NALF1: variants seen among roughly 807,000 people sequenced by gnomAD.
NALF1 encodes the protein NALCN channel auxiliary factor 1.
A neutral mutation model predicts 48.4 loss-of-function variants in NALF1; 3 were observed. The observed-to-expected ratio is 0.06, with a 90% CI of 0.03 to 0.16. The LOEUF is 0.16. Among genes scored for constraint, NALF1 ranks in the 10% least tolerant of loss-of-function variants. The pLI is 1.00. For synonymous variants in NALF1, 262 were observed against 245.7 expected (o/e 1.07, Z -0.62); for missense variants, 526 against 571.5 (o/e 0.92, Z 0.81).
intron 1 of NALF1, among the ~76,000 whole-genome samples, chr13:107,257,254 AGAGC>A (rs1880835305): frequency 1.3e-5 from 2 of 152,200 alleles, no homozygotes; most frequent in African/African-American, 4.8e-5. Flanking sequence ...GTGGGGACAC[AGAGC>A]CGAACCATGT....
intron 1 of NALF1, among the ~76,000 whole-genome samples, chr13:107,831,736 T>C (rs576771342): frequency 6.6e-6 from 1 of 152,276 alleles, no homozygotes; most frequent in South Asian, 2.1e-4. Context: ...TGTAACAAGA[T>C]GTTTGCGCGT....
chr13:107,701,569 G>A (rs1881820614), intron 1 of NALF1, among the ~76,000 whole-genome samples: 2 of 151,998 alleles, frequency 1.3e-5, no homozygotes, highest in African/African-American at 4.8e-5. Context: ...TATGTACTGG[G>A]GTGGGGTCAC....
chr13:107,436,319 T>A (rs1402619653), intron 1 of NALF1, among the ~76,000 whole-genome samples: 1 of 152,190 alleles, frequency 6.6e-6, no homozygotes, highest in Non-Finnish European at 1.5e-5. Flanking sequence ...TAGATTTTTT[T>A]AAAGGTAGAA....
rs1378774308 is a variant in NALF1 at position 107,238,559 on chromosome 13, A to T, written c.916-27804T>A. ...CGAAGGTAAAAATCTGTGGGAGCACATGCGGCCAGGACAGGGCAAGTTCAA... is the reference window on the plus strand; with the variant it reads ...CGAAGGTAAAAATCTGTGGGAGCACTTGCGGCCAGGACAGGGCAAGTTCAA... On this transcript the variant is annotated intron_variant, in intron 1 of 2. Transcript: ENST00000375915. Among the ~76,000 whole-genome samples the T allele has an allele frequency of 2.0e-5, 3 of 152,198 alleles. No individual in the cohort carries two copies. The East Asian group carries it at 5.8e-4, about 29-fold the overall frequency.
intron 1 of NALF1, among the ~76,000 whole-genome samples, chr13:107,419,575 G>C (rs1884149747): frequency 6.6e-6 from 1 of 152,208 alleles, no homozygotes. Context: ...ACAGGTGGAA[G>C]TCCCCATTGG....
chr13:107,480,349 T>C (rs567562353), intron 1 of NALF1, among the ~76,000 whole-genome samples: 1 of 152,320 alleles, frequency 6.6e-6, no homozygotes, highest in African/African-American at 2.4e-5. Flanking sequence ...CTCATTAGCT[T>C]ACTCACTAAC....
At chr13:107,186,515 G>C (rs987690648) in intron 2 of NALF1, among the ~76,000 whole-genome samples, 1 of 152,146 alleles carries the variant, frequency 6.6e-6, no homozygotes, top group African/African-American at 2.4e-5. Flanking sequence ...CTACAGGTGC[G>C]TGCCACCACG....
intron 1 of NALF1, among the ~76,000 whole-genome samples, chr13:107,438,774 G>A (rs980675292): frequency 1.6e-5 from 2 of 128,516 alleles, no homozygotes; most frequent in African/African-American, 5.9e-5. Context: ...GCAGCAGTGA[G>A]CTGAGATCAT....
At chr13:107,669,205 G>C (rs1283096670) in intron 1 of NALF1, among the ~76,000 whole-genome samples, 2 of 152,070 alleles carry the variant, frequency 1.3e-5, no homozygotes, top group Admixed American at 6.6e-5. Context: ...GTTTTCAGGA[G>C]AGACTCAATA....
rs34987619 is a variant in NALF1 at position 107,328,273 on chromosome 13, TACACACACACACACACACAC to T, written c.916-117538_916-117519del. On this transcript the variant is annotated intron_variant, in intron 1 of 2. Transcript: ENST00000375915. ...TCTTCCAACTTTTCATCTCCTGCAA[TACACACACACACACACACAC>T]ACACACACACACACACACACACTTT... Among the ~76,000 whole-genome samples, 4 of 144,112 alleles carry T rather than the reference TACACACACACACACACACAC, an allele frequency of 2.8e-5. No homozygotes were observed. The East Asian group carries it at 8.5e-4, about 30-fold the overall frequency. 94.5% of individuals were successfully genotyped at this position (144,112 alleles called of 152,430 possible). A position where few individuals can be genotyped will look rare whatever the true frequency, so the allele number is the denominator to read the frequency against.
At chr13:107,847,894 C>G (rs1171399615) in intron 1 of NALF1, among the ~76,000 whole-genome samples, 1 of 152,106 alleles carries the variant, frequency 6.6e-6, no homozygotes, top group African/African-American at 2.4e-5. Context: ...CAATAGATAA[C>G]TAATGAAATT....
intron 1 of NALF1, among the ~76,000 whole-genome samples, chr13:107,426,395 TAA>T (rs1044787240): frequency 6.6e-6 from 1 of 152,142 alleles, no homozygotes; most frequent in African/African-American, 2.4e-5. Context: ...AAATATGGTA[TAA>T]AAAAGTTTAG....
chr13:107,217,801 C>T (rs1879906367), intron 1 of NALF1, among the ~76,000 whole-genome samples: 1 of 152,198 alleles, frequency 6.6e-6, no homozygotes. Context: ...ATCAGCATCT[C>T]TCACTTGGAT....
chr13:107,669,412 C>T (rs1594195437), intron 1 of NALF1, among the ~76,000 whole-genome samples: 1 of 152,094 alleles, frequency 6.6e-6, no homozygotes, highest in African/African-American at 2.4e-5. Context: ...TTCCATCTTT[C>T]ATCCAAATAA....
At chr13:107,824,569 C>A (rs1289499681) in intron 1 of NALF1, among the ~76,000 whole-genome samples, 1 of 152,142 alleles carries the variant, frequency 6.6e-6, no homozygotes, top group Non-Finnish European at 1.5e-5. Context: ...GTCTGATAGT[C>A]TAGACAGGAA....
At chr13:107,594,609 T>C (rs939626847) in intron 1 of NALF1, among the ~76,000 whole-genome samples, 2 of 152,112 alleles carry the variant, frequency 1.3e-5, no homozygotes, top group African/African-American at 4.8e-5. Flanking sequence ...ATAGTGTTTA[T>C]GAAAACAGGA....
intron 1 of NALF1, among the ~76,000 whole-genome samples, chr13:107,337,560 T>C (rs1339907140): frequency 6.6e-6 from 1 of 152,098 alleles, no homozygotes; most frequent in Admixed American, 6.6e-5. Flanking sequence ...TTCCTTCACA[T>C]CATGCCTGAT....
At chr13:107,711,528 G>T (rs1235621593) in intron 1 of NALF1, among the ~76,000 whole-genome samples, 1 of 152,182 alleles carries the variant, frequency 6.6e-6, no homozygotes, top group Non-Finnish European at 1.5e-5. Context: ...TAGAGACAGG[G>T]TTTCGCCATG....
At chr13:107,609,058 G>C (rs1291542119) in intron 1 of NALF1, among the ~76,000 whole-genome samples, 1 of 152,144 alleles carries the variant, frequency 6.6e-6, no homozygotes, top group Non-Finnish European at 1.5e-5. Context: ...ACTTTGGGAG[G>C]AAAGAAGACT....
Sources: gnomAD v4.1 joint callset for allele counts (sites outside exome capture counted in the v4.1 genomes callset) on GRCh38, gnomAD v4.1.1 for gene constraint, MANE v1.5 for transcripts, NCBI Gene and HGNC (gene_info 2026-07-23, HGNC 2026-07-21) for gene names.